Variants in DLGAP2 observed in about 807,000 individuals in gnomAD.
DLGAP2 encodes DLG associated protein 2.
In DLGAP2, 26 loss-of-function variants were observed where a neutral mutation model predicts 100.3. The observed-to-expected ratio is 0.26, with a 90% CI of 0.19 to 0.36. DLGAP2 has a LOEUF of 0.36. DLGAP2 is among the 10% of genes least tolerant of loss of function. DLGAP2 has a pLI of 1.00. For synonymous variants in DLGAP2, 886 were observed against 630.1 expected (o/e 1.41, Z -6.08); for missense variants, 1,858 against 1,453.2 (o/e 1.28, Z -4.53).
At chr8:1,134,881 G>A (rs1032368798) in intron 2 of DLGAP2, among the ~76,000 whole-genome samples, 3 of 152,118 alleles carry the variant, frequency 2.0e-5, no homozygotes, top group Non-Finnish European at 2.9e-5. Context: ...ACCTCCCTCC[G>A]TGATCCAATC....
At chr8:1,535,952 G>A (rs867854570) in intron 4 of DLGAP2, among the ~76,000 whole-genome samples, 40 of 152,316 alleles carry the variant, frequency 2.6e-4, no homozygotes, top group African/African-American at 7.5e-4. Context: ...CATCCCTTGC[G>A]TGGCAGACAC....
intron 4 of DLGAP2, among the ~76,000 whole-genome samples, chr8:1,545,101 C>G (rs946823861): frequency 1.3e-5 from 2 of 152,058 alleles, no homozygotes; most frequent in Non-Finnish European, 1.5e-5. Flanking sequence ...TTGTCTTTAT[C>G]TGGCTTTGCT....
At chr8:981,679 T>C (rs921634134) in intron 2 of DLGAP2, among the ~76,000 whole-genome samples, 4 of 152,312 alleles carry the variant, frequency 2.6e-5, no homozygotes, top group East Asian at 3.9e-4. Flanking sequence ...ATTAGTGACG[T>C]TGAGCACCTT....
intron 2 of DLGAP2, among the ~76,000 whole-genome samples, chr8:986,453 T>C: frequency 6.6e-6 from 1 of 152,192 alleles, no homozygotes; most frequent in Non-Finnish European, 1.5e-5. Flanking sequence ...TTACTTTATG[T>C]GGTTCCTAAT....
intron 6 of DLGAP2, chr8:1,604,815 A>C (rs1796744605): frequency 1.3e-5 from 2 of 152,114 alleles, no homozygotes; most frequent in African/African-American, 2.4e-5. Flanking sequence ...TAAAAAAAAA[A>C]CTCAAACATA....
At position 1,265,709 on chromosome 8, in the gene DLGAP2, A is replaced by G. The variant is rs182432191; in HGVS notation, c.106+6826A>G. Reference sequence around the variant, plus strand: ...ATCAATAAAGCCAGAGAGAATACAGACAAGTGTACTTGATTTTCAGGAGAG... The same window carrying G: ...ATCAATAAAGCCAGAGAGAATACAGGCAAGTGTACTTGATTTTCAGGAGAG... On this transcript the variant is annotated intron_variant, in intron 3 of 14. Coordinates refer to ENST00000637795, the MANE Select transcript of DLGAP2 (RefSeq NM_001346810.2). Among the ~76,000 whole-genome samples, 13 of 152,332 alleles carry G rather than the reference A, an allele frequency of 8.5e-5. No homozygotes were observed. The East Asian group carries it at 2.5e-3, about 29-fold the overall frequency.
chr8:1,479,278 G>A (rs11995562), intron 3 of DLGAP2, among the ~76,000 whole-genome samples: 75,753 of 152,108 alleles, frequency 0.5, 22,254 homozygotes, highest in Admixed American at 0.65. Flanking sequence ...GGCGGGGATT[G>A]GGGGCGGTGG....
rs1802536861 is a variant in DLGAP2, at chr8:1,568,891, CTG to C, written c.1442+2998_1442+2999del. Among the ~76,000 whole-genome samples, 4 of 73,658 alleles carry C rather than the reference CTG, an allele frequency of 5.4e-5. 1 individual carries two copies. The highest frequency in any genetic ancestry group is 1.9e-4 in the African/African-American group (4 of 21,150). 48.3% of individuals were successfully genotyped at this position (73,658 alleles called of 152,430 possible). On this transcript the variant is annotated intron_variant, in intron 6 of 14. Coordinates refer to ENST00000637795, the MANE Select transcript of DLGAP2 (RefSeq NM_001346810.2). ...TCAGCAGACACAAATCCATCTCTGC[CTG>C]CGGCCCCCATGCCACTGCCCACTCA...
At chr8:1,417,604 C>T (rs1249611433) in intron 3 of DLGAP2, among the ~76,000 whole-genome samples, 2 of 143,680 alleles carry the variant, frequency 1.4e-5, no homozygotes, top group East Asian at 1.9e-4. Flanking sequence ...ATAGGAGGCT[C>T]AGAAGGACTT....
chr8:1,196,239 G>A (rs1351318272), intron 2 of DLGAP2, among the ~76,000 whole-genome samples: 1 of 152,202 alleles, frequency 6.6e-6, no homozygotes, highest in Admixed American at 6.5e-5. Context: ...AGTAGGCCAC[G>A]TTTCACTGTG....
chr8:1,168,498 C>G (rs938595241), intron 2 of DLGAP2, among the ~76,000 whole-genome samples: 8 of 148,934 alleles, frequency 5.4e-5, no homozygotes, highest in South Asian at 2.2e-4. Context: ...GTCCCACCAA[C>G]AGTGTAAAAG....
At chr8:1,319,142 T>C (rs916109774) in intron 3 of DLGAP2, among the ~76,000 whole-genome samples, 3 of 152,140 alleles carry the variant, frequency 2.0e-5, no homozygotes, top group Non-Finnish European at 2.9e-5. Flanking sequence ...TGGGATCTTG[T>C]GCTCGCTGCC....
At position 1,022,924 on chromosome 8, in the gene DLGAP2, A is replaced by G. The variant is rs1261721247; in HGVS notation, c.73+114958A>G. Reference sequence around the variant, plus strand: ...TTGGCAGCTTTAGAAACACTGGTGGATTTAAACAATCTTGATCTGAATCTT... The same window carrying G: ...TTGGCAGCTTTAGAAACACTGGTGGGTTTAAACAATCTTGATCTGAATCTT... On this transcript the variant is annotated intron_variant, in intron 2 of 14. Transcript: ENST00000637795. Among the ~76,000 whole-genome samples, 4 of 152,202 alleles carry G rather than the reference A, an allele frequency of 2.6e-5. No homozygotes were observed. In the East Asian group the frequency reaches 7.7e-4, roughly 29 times the overall value.
At chr8:1,422,224 G>C (rs991060973) in intron 3 of DLGAP2, among the ~76,000 whole-genome samples, 1 of 152,130 alleles carries the variant, frequency 6.6e-6, no homozygotes, top group East Asian at 1.9e-4. Flanking sequence ...CTCCTGAAGG[G>C]TATTTTTTTA....
chr8:754,971 G>T (rs934889834), intron 1 of DLGAP2, among the ~76,000 whole-genome samples: 2 of 152,200 alleles, frequency 1.3e-5, no homozygotes, highest in African/African-American at 4.8e-5. Flanking sequence ...TGAGTTTCTG[G>T]AAGCTTGCTC....
intron 2 of DLGAP2, among the ~76,000 whole-genome samples, chr8:922,062 C>T (rs767587698): frequency 4.6e-5 from 7 of 152,220 alleles, no homozygotes; most frequent in East Asian, 3.8e-4. Flanking sequence ...GTGCCGTGTG[C>T]GCAGTTGGCG....
At chr8:1,503,447 C>T (rs1326880530) in intron 4 of DLGAP2, among the ~76,000 whole-genome samples, 2 of 152,090 alleles carry the variant, frequency 1.3e-5, no homozygotes, top group Non-Finnish European at 1.5e-5. Flanking sequence ...ATCAATGTGT[C>T]ACACGCCCTT....
intron 3 of DLGAP2, among the ~76,000 whole-genome samples, chr8:1,308,141 C>T (rs890893442): frequency 3.3e-5 from 5 of 152,212 alleles, no homozygotes; most frequent in Non-Finnish European, 5.9e-5. Context: ...GGTCCCTGGG[C>T]TCGTTGCAAG....
At chr8:1,504,503 T>A (rs964980597) in intron 4 of DLGAP2, among the ~76,000 whole-genome samples, 1 of 152,180 alleles carries the variant, frequency 6.6e-6, no homozygotes, top group Non-Finnish European at 1.5e-5. Context: ...CACTTACTCC[T>A]CTTGTCTAAC....
Sources: gnomAD v4.1 joint callset for allele counts (sites outside exome capture counted in the v4.1 genomes callset) on GRCh38, gnomAD v4.1.1 for gene constraint, MANE v1.5 for transcripts, NCBI Gene and HGNC (gene_info 2026-07-23, HGNC 2026-07-21) for gene names.